EPHA5: variants seen among roughly 807,000 people sequenced by gnomAD.
The protein encoded by EPHA5 is EPH receptor A5.
A neutral mutation model predicts 105.0 loss-of-function variants in EPHA5; 60 were observed. That is an observed-to-expected ratio of 0.57 (90% CI 0.46 to 0.71). The LOEUF (loss-of-function observed/expected upper bound fraction) is 0.71, where lower values mean the gene tolerates loss of function less well. EPHA5 is among the 30% of genes least tolerant of loss of function. The probability of loss-of-function intolerance (pLI) is 0.00; values close to 1 mark genes in which losing one functional copy is unlikely to be tolerated. For synonymous variants in EPHA5, 513 were observed against 449.1 expected (o/e 1.14, Z -1.80); for missense variants, 1,218 against 1,274.7 (o/e 0.96, Z 0.68).
chr4:65,599,683 T>C (rs1466138838), intron 3 of EPHA5, among the ~76,000 whole-genome samples: 1 of 152,114 alleles, frequency 6.6e-6, no homozygotes, highest in South Asian at 2.1e-4. Context: ...GGAAGATAAA[T>C]GCATGAATTA....
At chr4:65,523,884 A>G (rs1463674729) in intron 3 of EPHA5, among the ~76,000 whole-genome samples, 4 of 151,928 alleles carry the variant, frequency 2.6e-5, no homozygotes, top group African/African-American at 7.2e-5. Context: ...AATGGTGGAT[A>G]CTCCACTTTC....
chr4:65,396,846 T>G (rs757692736), intron 8 of EPHA5, among the ~76,000 whole-genome samples: 1 of 152,112 alleles, frequency 6.6e-6, no homozygotes, highest in Non-Finnish European at 1.5e-5. Flanking sequence ...AAACAGGCCA[T>G]GGCACCAGAT....
At chr4:65,507,349 G>C (rs1733144508) in intron 3 of EPHA5, among the ~76,000 whole-genome samples, 1 of 152,132 alleles carries the variant, frequency 6.6e-6, no homozygotes, top group African/African-American at 2.4e-5. Context: ...TGGCAATGCA[G>C]GCTCTTTTTT....
At chr4:65,453,665 C>T (rs990209467) in intron 5 of EPHA5, among the ~76,000 whole-genome samples, 8 of 152,098 alleles carry the variant, frequency 5.3e-5, no homozygotes, top group Non-Finnish European at 1.0e-4. Flanking sequence ...GTAAACACAC[C>T]GCACATGCTC....
At chr4:65,365,896 A>C (rs1242568591) in intron 10 of EPHA5, 36 bp downstream of exon 10, 1 of 1,587,198 alleles carries the variant, frequency 6.3e-7, no homozygotes, top group Admixed American at 1.7e-5. Flanking sequence ...GAATGCAAAC[A>C]AAAGTTAAAA....
chr4:65,352,287 C>T (rs1248775753), intron 12 of EPHA5, among the ~76,000 whole-genome samples: 4 of 151,964 alleles, frequency 2.6e-5, no homozygotes, highest in Admixed American at 2.0e-4. Context: ...TTATCAAATT[C>T]ATTGCATAGG....
chr4:65,366,783 A>ACATTG (rs1423949131), intron 9 of EPHA5, among the ~76,000 whole-genome samples: 1 of 152,020 alleles, frequency 6.6e-6, no homozygotes, highest in African/African-American at 2.4e-5. Flanking sequence ...AAATCAATTC[A>ACATTG]CATTGCACCA....
intron 3 of EPHA5, among the ~76,000 whole-genome samples, chr4:65,519,124 A>C (rs1323416333): frequency 1.3e-5 from 2 of 152,174 alleles, no homozygotes; most frequent in Non-Finnish European, 2.9e-5. Flanking sequence ...ACCATGATCA[A>C]GTGGGCTTCA....
At chr4:65,574,003 T>C in intron 3 of EPHA5, 1 of 1,595,682 alleles carries the variant, frequency 6.3e-7, no homozygotes, top group Non-Finnish European at 8.6e-7. Flanking sequence ...CCTCTGGTCC[T>C]CAATCGAGTT....
chr4:65,575,347 T>C (rs890125927), intron 3 of EPHA5, among the ~76,000 whole-genome samples: 13 of 152,162 alleles, frequency 8.5e-5, no homozygotes, highest in East Asian at 3.9e-4. Flanking sequence ...CCCCACTCCT[T>C]AACAACTTTG....
chr4:65,433,731 A>G (rs1725211678), intron 5 of EPHA5, among the ~76,000 whole-genome samples: 2 of 152,286 alleles, frequency 1.3e-5, no homozygotes, highest in South Asian at 2.1e-4. Flanking sequence ...TCTAAAGACT[A>G]CTGGACTTCC....
chr4:65,503,241 C>A (rs1159486807), intron 3 of EPHA5, among the ~76,000 whole-genome samples: 1 of 151,810 alleles, frequency 6.6e-6, no homozygotes, highest in African/African-American at 2.4e-5. Flanking sequence ...CGTGTACCAA[C>A]AAACCTGTAC....
chr4:65,619,215 C>A (rs1205310386), intron 2 of EPHA5, among the ~76,000 whole-genome samples: 1 of 152,204 alleles, frequency 6.6e-6, no homozygotes, highest in East Asian at 1.9e-4. Flanking sequence ...TTATTGATAA[C>A]ACATTACTTC....
At chr4:65,455,149 C>T (rs1344274058) in intron 5 of EPHA5, among the ~76,000 whole-genome samples, 10 of 151,920 alleles carry the variant, frequency 6.6e-5, no homozygotes, top group Admixed American at 5.3e-4. Flanking sequence ...AGGAGAATGA[C>T]GTGAACCTGG....
At chr4:65,498,994 C>T (rs1273453698) in intron 3 of EPHA5, among the ~76,000 whole-genome samples, 1 of 90,520 alleles carries the variant, frequency 1.1e-5, no homozygotes, top group Non-Finnish European at 2.4e-5. Flanking sequence ...CTTGTAGCAT[C>T]GCCTCTTATT....
intron 3 of EPHA5, among the ~76,000 whole-genome samples, chr4:65,546,100 T>C (rs1386330932): frequency 6.6e-6 from 1 of 151,996 alleles, no homozygotes; most frequent in Non-Finnish European, 1.5e-5. Flanking sequence ...TGTGCTTTCA[T>C]TGGATGACCT....
At chr4:65,344,287 A>T (rs912966303) in intron 14 of EPHA5, among the ~76,000 whole-genome samples, 1 of 152,106 alleles carries the variant, frequency 6.6e-6, no homozygotes, top group Non-Finnish European at 1.5e-5. Context: ...TCAGGAGGAA[A>T]ATAAGAGACT....
At chr4:65,331,184 G>T (rs1720579642) in intron 16 of EPHA5, 1 of 1,027,426 alleles carries the variant, frequency 9.7e-7, no homozygotes. Flanking sequence ...TATATTCACA[G>T]GTTAAAACAT....
intron 3 of EPHA5, among the ~76,000 whole-genome samples, chr4:65,501,261 G>A (rs545468492): frequency 1.3e-5 from 2 of 151,410 alleles, no homozygotes; most frequent in South Asian, 4.1e-4. Context: ...TGTAGCCAGA[G>A]CAATTAGGCA....
Sources: allele counts gnomAD v4.1 joint callset (sites outside exome capture counted in the v4.1 genomes callset), GRCh38; gene constraint gnomAD v4.1.1; transcripts MANE v1.5; gene names NCBI Gene and HGNC (gene_info 2026-07-23, HGNC 2026-07-21).